The following CHIC1 variants were observed in gnomAD, a reference collection of about 807,000 sequenced individuals.
CHIC1 encodes the protein cysteine rich hydrophobic domain 1.
In CHIC1, 7 loss-of-function variants were observed where a neutral mutation model predicts 18.5. The observed-to-expected ratio is 0.38, with a 90% confidence interval of 0.22 to 0.71. The LOEUF is 0.71. Among genes scored for constraint, CHIC1 ranks in the 30% least tolerant of loss-of-function variants. The probability of loss-of-function intolerance (pLI) is 0.49; values close to 1 mark genes in which losing one functional copy is unlikely to be tolerated. For synonymous variants in CHIC1, 77 were observed against 73.5 expected (o/e 1.05, Z -0.25); for missense variants, 159 against 176.9 (o/e 0.90, Z 0.57).
rs890244000 is a variant in CHIC1 at position 73,687,093 on chromosome X, T to C, written c.*6088T>C. ...ATGCAAATTTAAAATAAAGTGTAAATCTATGTTAATGAATTGAATTCTGTG... is the reference window on the plus strand; with the variant it reads ...ATGCAAATTTAAAATAAAGTGTAAACCTATGTTAATGAATTGAATTCTGTG... On this transcript the variant is annotated 3_prime_UTR_variant, in exon 6 of 6. Coordinates refer to ENST00000373502, the MANE Select transcript of CHIC1 (RefSeq NM_001039840.4). 2 of 111,841 alleles carry C rather than the reference T, an allele frequency of 1.8e-5. No homozygotes were observed. The highest frequency in any genetic ancestry group is 1.9e-4 in the Admixed American group (2 of 10,486). The allele number at this position is 111,841 out of a possible 1,213,427, so 9.2% of individuals were successfully genotyped here. A position where few individuals can be genotyped will look rare whatever the true frequency, so the allele number is the denominator to read the frequency against.
intron 3 of CHIC1, among the ~76,000 whole-genome samples, chrX:73,653,689 G>A (rs1431576490): frequency 8.9e-6 from 1 of 112,233 alleles, no homozygotes. Context: ...TAACCTATTA[G>A]CATGGGCTGT....
Position 73,586,811 on chromosome X carries a change from G to A in CHIC1, c.507+2239G>A, listed in dbSNP as rs190628030. ...TAGTCCTGAGACCAGAAATGTTTGCGTAAGTTGTATAATAAACAGCCCACT... is the reference window on the plus strand; with the variant it reads ...TAGTCCTGAGACCAGAAATGTTTGCATAAGTTGTATAATAAACAGCCCACT... On this transcript the variant is annotated intron_variant, in intron 3 of 5. Transcript: ENST00000373502. Among the ~76,000 whole-genome samples, 487 of 111,803 alleles carry A rather than the reference G, an allele frequency of 4.4e-3. 4 individuals carry two copies. The highest frequency in any genetic ancestry group is 0.014 in the African/African-American group (430 of 30,878).
At chrX:73,643,696 C>T (rs1279904094) in intron 3 of CHIC1, among the ~76,000 whole-genome samples, 1 of 112,019 alleles carries the variant, frequency 8.9e-6, no homozygotes, top group African/African-American at 3.2e-5. Context: ...ATGTAGTTGT[C>T]GAGCCTTGGC....
At chrX:73,624,422 C>T (rs1472835492) in intron 3 of CHIC1, among the ~76,000 whole-genome samples, 1 of 111,659 alleles carries the variant, frequency 9.0e-6, no homozygotes, top group African/African-American at 3.3e-5. Flanking sequence ...TTTTTAATCT[C>T]TTATTACCTG....
At chrX:73,644,668 G>A (rs751195771) in intron 3 of CHIC1, among the ~76,000 whole-genome samples, 19 of 112,707 alleles carry the variant, frequency 1.7e-4, no homozygotes, top group East Asian at 5.6e-4. Flanking sequence ...CTCCATGGGC[G>A]TAGGACCCTC....
At chrX:73,645,475 G>A (rs887758699) in intron 3 of CHIC1, among the ~76,000 whole-genome samples, 3 of 111,723 alleles carry the variant, frequency 2.7e-5, no homozygotes, top group Non-Finnish European at 5.6e-5. Flanking sequence ...AGTTTTTTGA[G>A]GAACATCCAT....
intron 3 of CHIC1, among the ~76,000 whole-genome samples, chrX:73,639,494 G>T (rs1296861975): frequency 9.0e-6 from 1 of 111,547 alleles, no homozygotes; most frequent in Non-Finnish European, 1.9e-5. Flanking sequence ...AGTTTCTTTG[G>T]CTATGCAGAA....
intron 3 of CHIC1, among the ~76,000 whole-genome samples, chrX:73,654,426 A>G (rs1880985444): frequency 8.9e-6 from 1 of 111,864 alleles, no homozygotes; most frequent in African/African-American, 3.2e-5. Context: ...GTTACTAGAT[A>G]TTCATTTTGC....
chrX:73,630,043 A>T (rs191450574), intron 3 of CHIC1, among the ~76,000 whole-genome samples: 12 of 111,742 alleles, frequency 1.1e-4, no homozygotes, highest in Non-Finnish European at 2.1e-4. Context: ...TTGTTTTCTT[A>T]ATTCCTCTTT....
intron 3 of CHIC1, among the ~76,000 whole-genome samples, chrX:73,674,856 T>C (rs1395706392): frequency 8.9e-6 from 1 of 111,777 alleles, no homozygotes; most frequent in African/African-American, 3.3e-5. Context: ...TTTCCTGCTT[T>C]CTCTTGTGGG....
In CHIC1 at chrX:73,655,939, G is replaced by A. The variant is rs754006676; in HGVS notation, c.508-23387G>A. Among the ~76,000 whole-genome samples the A allele has an allele frequency of 3.6e-5, 4 of 110,891 alleles. No individual in the cohort carries two copies. In the East Asian group the frequency reaches 1.1e-3, roughly 32 times the overall value. Reference sequence around the variant, plus strand: ...TTACACTCCCACCAATGGTGTAAAAGCATTCCTTTGCCTCCACAACCTCAC... The same window carrying A: ...TTACACTCCCACCAATGGTGTAAAAACATTCCTTTGCCTCCACAACCTCAC... On this transcript the variant is annotated intron_variant, in intron 3 of 5. Transcript: ENST00000373502.
chrX:73,576,322 T>C (rs1216665665), intron 1 of CHIC1, among the ~76,000 whole-genome samples: 1 of 110,905 alleles, frequency 9.0e-6, no homozygotes, highest in African/African-American at 3.2e-5. Context: ...TGTGCTATAC[T>C]TTGCTATGGT....
intron 3 of CHIC1, among the ~76,000 whole-genome samples, chrX:73,668,127 C>T (rs2058013117): frequency 8.9e-6 from 1 of 111,997 alleles, no homozygotes; most frequent in South Asian, 3.7e-4. Flanking sequence ...CCAGCTGTGA[C>T]ATTCTTTCCT....
rs192335941 is a variant in CHIC1, at chrX:73,604,114, G to T, written c.507+19542G>T. ...CTGTTTGTACCTCTGGTAGAATTCA[G>T]CTGTGAATCCATCTGGCCCTGGGCT... On this transcript the variant is annotated intron_variant, in intron 3 of 5. Coordinates refer to ENST00000373502, the MANE Select transcript of CHIC1 (RefSeq NM_001039840.4). 8.5e-4 allele frequency among the ~76,000 whole-genome samples: 91 copies of T among 106,727 alleles called. 6 individuals carry two copies. Among genetic ancestry groups the T allele is most frequent in the East Asian group, 6.0e-3 (21 of 3,516 alleles). 92.7% of individuals were successfully genotyped at this position (106,727 alleles called of 115,157 possible). A position where few individuals can be genotyped will look rare whatever the true frequency, so the allele number is the denominator to read the frequency against.
In CHIC1 at chrX:73,655,714, T is replaced by C. The variant is rs759856460; in HGVS notation, c.508-23612T>C. ...AGTCTATCATTGATGGGCATTTCTGTTGATTCCATTGATTCTTTTGATTCT... is the reference window on the plus strand; with the variant it reads ...AGTCTATCATTGATGGGCATTTCTGCTGATTCCATTGATTCTTTTGATTCT... On this transcript the variant is annotated intron_variant, in intron 3 of 5. Transcript: ENST00000373502. Among the ~76,000 whole-genome samples the C allele has an allele frequency of 1.3e-4, 14 of 104,954 alleles. No individual in the cohort carries two copies. In the South Asian group the frequency reaches 5.9e-3, roughly 45 times the overall value. 91.1% of individuals were successfully genotyped at this position (104,954 alleles called of 115,157 possible). A position where few individuals can be genotyped will look rare whatever the true frequency, so the allele number is the denominator to read the frequency against.
intron 3 of CHIC1, among the ~76,000 whole-genome samples, chrX:73,620,238 G>T (rs1260797279): frequency 1.8e-5 from 2 of 111,963 alleles, no homozygotes; most frequent in Non-Finnish European, 3.8e-5. Context: ...GGATTGCTGG[G>T]TCAAATGGTT....
At chrX:73,626,947 G>A (rs1048614350) in intron 3 of CHIC1, among the ~76,000 whole-genome samples, 1 of 110,078 alleles carries the variant, frequency 9.1e-6, no homozygotes, top group Non-Finnish European at 1.9e-5. Flanking sequence ...TTCTTGAGAA[G>A]GTTTTGGAGA....
rs143392534 is a variant in CHIC1, at chrX:73,623,732, T to A, written c.507+39160T>A. On this transcript the variant is annotated intron_variant, in intron 3 of 5. Transcript: ENST00000373502. ...CTTATGATATTTTACCAAAAATACA[T>A]TTCACTTTTCTTACACACCTTTTAT... Among the ~76,000 whole-genome samples, 120 of 112,015 alleles carry A rather than the reference T, an allele frequency of 1.1e-3. 2 individuals carry two copies. The East Asian group carries it at 0.033, about 31-fold the overall frequency.
intron 3 of CHIC1, among the ~76,000 whole-genome samples, chrX:73,611,275 T>C (rs2057707381): frequency 9.3e-6 from 1 of 107,978 alleles, no homozygotes; most frequent in Admixed American, 9.7e-5. Flanking sequence ...CGGTGTTTGG[T>C]TTTTTGTCCT....
Sources: allele counts gnomAD v4.1 joint callset (sites outside exome capture counted in the v4.1 genomes callset), GRCh38; gene constraint gnomAD v4.1.1; transcripts MANE v1.5; gene names NCBI Gene and HGNC (gene_info 2026-07-23, HGNC 2026-07-21).